Variants in PRKD2 observed in about 807,000 individuals in gnomAD.
PRKD2 encodes serine/threonine-protein kinase D2.
In PRKD2, 22 loss-of-function variants were observed where a neutral mutation model predicts 86.0. The ratio of observed to expected loss-of-function variants is 0.26; its 90% CI spans 0.18 to 0.37. PRKD2 has a LOEUF of 0.37. Among genes scored for constraint, PRKD2 ranks in the 10% least tolerant of loss-of-function variants. The pLI, the probability that PRKD2 is intolerant of heterozygous loss-of-function variation, is 1.00. For synonymous variants in PRKD2, 509 were observed against 510.9 expected (o/e 1.00, Z 0.05); for missense variants, 818 against 1,199.2 (o/e 0.68, Z 4.70).
chr19:46,703,405 T>C (rs550174220), intron 5 of PRKD2, among the ~76,000 whole-genome samples: 2 of 152,184 alleles, frequency 1.3e-5, no homozygotes, highest in African/African-American at 4.8e-5. Context: ...GGTAGGAGGA[T>C]TGCTTGAGCC....
In PRKD2 at chr19:46,675,083, T is replaced by C. The variant is rs906595714; in HGVS notation, c.2374A>G (p.Met792Val). The C allele has an allele frequency of 6.2e-7, 1 of 1,611,886 alleles. No homozygotes were observed. The highest frequency in any genetic ancestry group is 8.5e-7 in the Non-Finnish European group (1 of 1,178,900). The change falls in exon 17 of 18, where the codon ATG becomes GTG. Residue 792 changes from methionine (M) to valine (V), a missense_variant. This residue lies in a region of PRKD2 where 132 missense variants were observed against 146.2 expected (regional missense o/e 0.90). Coordinates refer to ENST00000291281, the MANE Select transcript of PRKD2 (RefSeq NM_016457.5). The stretch of plus-strand genomic sequence containing the variant: ...TTGTCCACGCTGTAGCGTTTGCGCA[T>C]CTTCACCTGCAGCAGGTTGTTGATG... Reference protein sequence around the residue: ...DLINNLLQVKMRKRYSVDKSL... With the variant: ...DLINNLLQVKVRKRYSVDKSL...
intron 5 of PRKD2, among the ~76,000 whole-genome samples, chr19:46,702,782 G>T (rs113067775): frequency 0.052 from 7,958 of 151,926 alleles, 276 homozygotes; most frequent in East Asian, 0.16. Flanking sequence ...CAACCTCCTG[G>T]GCTCAAGCAA....
chr19:46,711,121 G>A, intron 2 of PRKD2, 83 bp from the exon 3 acceptor site: 10 of 1,481,730 alleles, frequency 6.7e-6, no homozygotes, highest in Non-Finnish European at 9.1e-6. Flanking sequence ...ATTTCTCACA[G>A]TGCTCCCAGC....
At chr19:46,680,206 T>G (rs2053275793) in intron 15 of PRKD2, among the ~76,000 whole-genome samples, 1 of 152,202 alleles carries the variant, frequency 6.6e-6, no homozygotes, top group Non-Finnish European at 1.5e-5. Flanking sequence ...TTTCCTGAGG[T>G]ACTCTGCCCT....
chr19:46,713,485 C>G (rs181671909), intron 2 of PRKD2, among the ~76,000 whole-genome samples: 30 of 152,154 alleles, frequency 2.0e-4, no homozygotes, highest in Admixed American at 8.5e-4. Flanking sequence ...GTGCACAGCT[C>G]AATGAATTTT....
chr19:46,677,386 T>C (rs568336067), intron 16 of PRKD2: 2 of 152,294 alleles, frequency 1.3e-5, no homozygotes, highest in South Asian at 4.1e-4. Flanking sequence ...GTTGAATCAA[T>C]GGTTACAAAT....
At chr19:46,706,459 A>G (rs2053715660) in intron 3 of PRKD2, among the ~76,000 whole-genome samples, 1 of 152,218 alleles carries the variant, frequency 6.6e-6, no homozygotes, top group African/African-American at 2.4e-5. Context: ...GAGCTTCAGC[A>G]GGGCAAATGG....
intron 15 of PRKD2, among the ~76,000 whole-genome samples, chr19:46,681,146 A>C (rs1184828158): frequency 2.0e-5 from 3 of 149,914 alleles, no homozygotes; most frequent in African/African-American, 4.9e-5. Flanking sequence ...TTAGTAGAGA[A>C]GGGGTTTCAC....
chr19:46,702,396 C>T (rs1182372187), intron 5 of PRKD2, among the ~76,000 whole-genome samples: 1 of 152,098 alleles, frequency 6.6e-6, no homozygotes, highest in Non-Finnish European at 1.5e-5. Context: ...GAACTCTAGA[C>T]ATCTATGAGT....
chr19:46,710,836 C>T, intron 3 of PRKD2, 71 bp downstream of exon 3: 1 of 1,459,668 alleles, frequency 6.9e-7, no homozygotes, highest in Non-Finnish European at 9.2e-7. Context: ...GTCCCCGTGC[C>T]AGGACCATTA....
At chr19:46,709,545 G>C (rs375856449) in intron 3 of PRKD2, among the ~76,000 whole-genome samples, 1 of 152,096 alleles carries the variant, frequency 6.6e-6, no homozygotes, top group East Asian at 1.9e-4. Flanking sequence ...ATTTTTAGTA[G>C]AGACGGGGTT....
intron 9 of PRKD2, among the ~76,000 whole-genome samples, chr19:46,696,682 G>A (rs530165401): frequency 6.4e-4 from 97 of 152,184 alleles, no homozygotes; most frequent in Middle Eastern, 3.4e-3. Context: ...TTGAACCCGG[G>A]AAGCGGAGGT....
intron 16 of PRKD2, among the ~76,000 whole-genome samples, chr19:46,676,263 C>T (rs2053200444): frequency 6.6e-6 from 1 of 152,010 alleles, no homozygotes; most frequent in Admixed American, 6.6e-5. Flanking sequence ...CCCGTCTCTA[C>T]TAAAAATACA....
At chr19:46,699,918 TAAA>T (rs56355930) in intron 7 of PRKD2, among the ~76,000 whole-genome samples, 91 of 107,262 alleles carry the variant, frequency 8.5e-4, no homozygotes, top group African/African-American at 2.6e-3. Flanking sequence ...CCCCCTATCT[TAAA>T]AAAAAAAAAA....
rs766687958 is a variant in PRKD2 at position 46,716,302 on chromosome 19, G to A, written c.69C>T (p.Pro23=). Residue 23 remains proline (P), a synonymous_variant, in exon 1 of 18, where the codon CCC becomes CCT. Coordinates refer to ENST00000291281, the MANE Select transcript of PRKD2 (RefSeq NM_016457.5). This position sits in a 1 kb window ranked among gnomAD's most constrained non-coding sequence, Gnocchi z 7.9. ...GCGGCGACTGCAGCTCTAGGCCGCC[G>A]GGGGGCGGAGGAGACCCCGGCCCGG... is the stretch of plus-strand genomic sequence containing the variant. ...GSPGPGSPPP[P]GGLELQSPPP... 11 of 1,526,876 alleles carry A rather than the reference G, an allele frequency of 7.2e-6. No individual in the cohort carries two copies. The highest frequency in any genetic ancestry group is 9.7e-6 in the Non-Finnish European group (11 of 1,139,168). The allele number at this position is 1,526,876 out of a possible 1,614,324, so 94.6% of individuals were successfully genotyped here.
rs2053506630 is a variant in PRKD2, at chr19:46,693,179, T to G, written c.1576+696A>C. ...CTCTGGGCTCCTCTAGCTCCCTAGC[T>G]TCCTTGTCCCAACCCTGCCCACCCT... On this transcript the variant is annotated intron_variant, in intron 10 of 17. Coordinates refer to ENST00000291281, the MANE Select transcript of PRKD2 (RefSeq NM_016457.5). This position sits in a 1 kb window ranked among gnomAD's most constrained non-coding sequence, Gnocchi z 4.5. 6.6e-6 allele frequency among the ~76,000 whole-genome samples: 1 copy of G among 152,156 alleles called. No homozygotes were observed. Among genetic ancestry groups the G allele is most frequent in the Non-Finnish European group, 1.5e-5 (1 of 68,016 alleles).
Position 46,713,613 on chromosome 19 carries a change from CCTT to C in PRKD2, c.379+247_379+249del, listed in dbSNP as rs147467726. 5.0e-3 allele frequency among the ~76,000 whole-genome samples: 753 copies of C among 151,808 alleles called. 6 individuals are homozygous for C. The highest frequency in any genetic ancestry group is 9.2e-3 in the Non-Finnish European group (623 of 67,918). On this transcript the variant is annotated intron_variant, in intron 2 of 17. Coordinates refer to ENST00000291281, the MANE Select transcript of PRKD2 (RefSeq NM_016457.5). ...CCATCTTCCAGAAGCCCCCAACTCTCCTTATTTTTTTTTTTCAGAGGGAGAGAA... is the reference window on the plus strand; with the variant it reads ...CCATCTTCCAGAAGCCCCCAACTCTCATTTTTTTTTTTCAGAGGGAGAGAA...
intron 16 of PRKD2, among the ~76,000 whole-genome samples, chr19:46,676,780 C>T (rs888007806): frequency 1.3e-5 from 2 of 152,128 alleles, no homozygotes; most frequent in African/African-American, 4.8e-5. Context: ...ACAATGCTGG[C>T]GGGGTGTGAT....
chr19:46,681,839 C>CT (rs551472575), intron 14 of PRKD2, 91 bp from the exon 15 acceptor site: 59,690 of 483,584 alleles, frequency 0.12, 789 homozygotes, highest in Non-Finnish European at 0.14. Context: ...CCCATCCATA[C>CT]TTTTTTTTTT....
Sources: allele counts gnomAD v4.1 joint callset (sites outside exome capture counted in the v4.1 genomes callset), GRCh38; gene constraint gnomAD v4.1.1; regional missense constraint gnomAD v4.1.1; non-coding constraint Gnocchi (gnomAD v3.1); transcripts MANE v1.5; gene names NCBI Gene and HGNC (gene_info 2026-07-23, HGNC 2026-07-21).